Variants in PRPSAP1 observed in about 807,000 individuals in gnomAD.
PRPSAP1 encodes the protein phosphoribosyl pyrophosphate synthetase associated protein 1.
Under a neutral mutation model 39.4 loss-of-function variants are expected in PRPSAP1, and 31 were observed. That is an observed-to-expected ratio of 0.79 (90% CI 0.59 to 1.06). The LOEUF is 1.06. Ranked by LOEUF, PRPSAP1 falls within the 50% of genes least tolerant of loss-of-function variation. The probability of loss-of-function intolerance (pLI) is 0.00; values close to 1 mark genes in which losing one functional copy is unlikely to be tolerated. For missense variants in PRPSAP1, 430 were observed against 511.6 expected, an observed-to-expected ratio of 0.84 and a Z score of 1.54; for synonymous variants, 212 against 192.6, an observed-to-expected ratio of 1.10 and a Z score of -0.83.
chr17:76,352,662 A>G (rs967884146), intron 1 of PRPSAP1, among the ~76,000 whole-genome samples: 16 of 151,120 alleles, frequency 1.1e-4, no homozygotes, highest in East Asian at 3.9e-4. Flanking sequence ...AAAAAAAAAA[A>G]AAAAAGAAAA....
chr17:76,329,037 C>A, intron 6 of PRPSAP1, 175 bp from the exon 7 acceptor site: 1 of 709,334 alleles, frequency 1.4e-6, no homozygotes, highest in Non-Finnish European at 2.2e-6. Flanking sequence ...TCAAAGGGCA[C>A]GTGAGTTAGG....
At position 76,353,567 on chromosome 17, in the gene PRPSAP1, G is replaced by A. The variant is rs770831023; in HGVS notation, c.137C>T (p.Ala46Val). 2 of 1,557,590 alleles carry A rather than the reference G, an allele frequency of 1.3e-6. No homozygotes were observed. The highest frequency in any genetic ancestry group is 1.2e-5 in the South Asian group (1 of 85,038). The change falls in exon 1 of 10, where the codon GCC becomes GTC. Residue 46 changes from alanine to valine, a missense_variant. Coordinates refer to ENST00000446526, the MANE Select transcript of PRPSAP1 (RefSeq NM_002766.3). ...GCGCTTGGCCAGCTCCGTGCAGGCGGCCGTGGAGTTGGCCGAGAAGACTCG... is the reference window on the plus strand; with the variant it reads ...GCGCTTGGCCAGCTCCGTGCAGGCGACCGTGGAGTTGGCCGAGAAGACTCG... ...GYRVFSANST[A>V]ACTELAKRIT...
At position 76,344,849 on chromosome 17, in the gene PRPSAP1, T is replaced by C. The variant is rs538708630; in HGVS notation, c.224-112A>G. ...GCGCGGTGGCACATGCCTGTAATCCTAGCACTTTAGGAGGGCTGAGGAAAG... is the reference window on the plus strand; with the variant it reads ...GCGCGGTGGCACATGCCTGTAATCCCAGCACTTTAGGAGGGCTGAGGAAAG... On this transcript the variant is annotated intron_variant, in intron 2 of 9. Coordinates refer to ENST00000446526, the MANE Select transcript of PRPSAP1 (RefSeq NM_002766.3). The C allele has an allele frequency of 1.1e-5, 8 of 700,144 alleles. No individual in the cohort carries two copies. In the South Asian group the frequency reaches 1.5e-4, roughly 13 times the overall value. 43.4% of individuals were successfully genotyped at this position (700,144 alleles called of 1,614,324 possible). A position where few individuals can be genotyped will look rare whatever the true frequency, so the allele number is the denominator to read the frequency against.
At chr17:76,339,992 A>G (rs1331988875) in intron 3 of PRPSAP1, among the ~76,000 whole-genome samples, 4 of 151,392 alleles carry the variant, frequency 2.6e-5, no homozygotes, top group Admixed American at 6.6e-5. Context: ...TTAGCCATGC[A>G]TGGTGGCATG....
At chr17:76,348,638 C>T in intron 1 of PRPSAP1, 57 bp from the exon 2 acceptor site, 1 of 1,343,518 alleles carries the variant, frequency 7.4e-7, no homozygotes, top group Non-Finnish European at 1.0e-6. Flanking sequence ...TAAAAAAATT[C>T]CAGTTCATAT....
intron 7 of PRPSAP1, among the ~76,000 whole-genome samples, chr17:76,327,843 C>T (rs1237163288): frequency 6.6e-6 from 1 of 152,102 alleles, no homozygotes; most frequent in Non-Finnish European, 1.5e-5. Context: ...CGTCCATACA[C>T]AGTCTACAAA....
chr17:76,346,375 T>C (rs1331838013), intron 2 of PRPSAP1, among the ~76,000 whole-genome samples: 1 of 152,160 alleles, frequency 6.6e-6, no homozygotes, highest in African/African-American at 2.4e-5. Flanking sequence ...TTGACACACA[T>C]GGCCACCTCA....
chr17:76,313,284 C>T (rs1428978009), intron 8 of PRPSAP1: 3 of 346,812 alleles, frequency 8.7e-6, no homozygotes, highest in African/African-American at 6.3e-5. Flanking sequence ...ATTTTCCTGT[C>T]TCACGTTTCT....
chr17:76,331,606 CTT>C (rs899204372), intron 4 of PRPSAP1, among the ~76,000 whole-genome samples: 1 of 152,138 alleles, frequency 6.6e-6, no homozygotes, highest in African/African-American at 2.4e-5. Flanking sequence ...ACTTGAGTAT[CTT>C]TGGGTTTTTG....
Position 76,352,276 on chromosome 17 carries a change from A to G in PRPSAP1, c.170+1258T>C, listed in dbSNP as rs548873253. Among the ~76,000 whole-genome samples the G allele has an allele frequency of 2.6e-5, 4 of 152,330 alleles. No homozygotes were observed. The East Asian group carries it at 7.7e-4, about 29-fold the overall frequency. On this transcript the variant is annotated intron_variant, in intron 1 of 9. Transcript: ENST00000446526. ...CATTTTATGTCTTAGATTTCTAACA[A>G]GTGTATGTAGAAAGGGCATATAAGG...
intron 1 of PRPSAP1, 127 bp from the exon 2 acceptor site, chr17:76,348,708 C>G (rs1222737941): frequency 1.4e-6 from 1 of 703,130 alleles, no homozygotes; most frequent in Non-Finnish European, 2.2e-6. Flanking sequence ...AAAAATAATT[C>G]AGAAAATCTA....
At chr17:76,347,061 G>T (rs2071510766) in intron 2 of PRPSAP1, among the ~76,000 whole-genome samples, 1 of 151,946 alleles carries the variant, frequency 6.6e-6, no homozygotes, top group Non-Finnish European at 1.5e-5. Flanking sequence ...GAAGGAGAAA[G>T]AACAATGGGG....
At chr17:76,351,396 T>C (rs1009218901) in intron 1 of PRPSAP1, among the ~76,000 whole-genome samples, 6 of 152,144 alleles carry the variant, frequency 3.9e-5, no homozygotes, top group Non-Finnish European at 5.9e-5. Context: ...GGGCCTGTAG[T>C]CCCAGCTACT....
chr17:76,326,113 T>A (rs2071254324), intron 7 of PRPSAP1, among the ~76,000 whole-genome samples: 1 of 152,186 alleles, frequency 6.6e-6, no homozygotes, highest in Non-Finnish European at 1.5e-5. Context: ...ATTTAAGGTA[T>A]TCCTGTGACG....
At position 76,313,103 on chromosome 17, in the gene PRPSAP1, A is replaced by C. The variant is rs1004680355; in HGVS notation, c.853-87T>G. 5.4e-5 allele frequency: 78 copies of C among 1,436,942 alleles called. No individual in the cohort carries two copies. In the African/African-American group the frequency reaches 8.9e-4, roughly 16 times the overall value. The allele number at this position is 1,436,942 out of a possible 1,614,324, so 89.0% of individuals were successfully genotyped here. On this transcript the variant is annotated intron_variant, in intron 8 of 9. Coordinates refer to ENST00000446526, the MANE Select transcript of PRPSAP1 (RefSeq NM_002766.3). ...CACACACCACTCTACTCTCTTCTGC[A>C]CTCAGTTTCAGAGGATTTCTGATGG... is the stretch of plus-strand genomic sequence containing the variant.
chr17:76,338,466 G>T (rs772289501), intron 3 of PRPSAP1, among the ~76,000 whole-genome samples: 4 of 152,164 alleles, frequency 2.6e-5, no homozygotes, highest in Admixed American at 6.5e-5. Context: ...ATTCTGGGAG[G>T]CTGAGGCAGG....
chr17:76,341,696 T>C (rs1484401732), intron 3 of PRPSAP1, among the ~76,000 whole-genome samples: 2 of 152,206 alleles, frequency 1.3e-5, no homozygotes, highest in Admixed American at 6.5e-5. Flanking sequence ...TCCCAGCACT[T>C]TGGGAGGCCG....
Position 76,309,497 on chromosome 17 carries a change from C to G in PRPSAP1, c.*2045G>C, listed in dbSNP as rs1477574052. 6.6e-6 allele frequency: 1 copy of G among 152,126 alleles called. No individual in the cohort carries two copies. The highest frequency in any genetic ancestry group is 1.5e-5 in the Non-Finnish European group (1 of 68,026). 9.4% of individuals were successfully genotyped at this position (152,126 alleles called of 1,614,324 possible). On this transcript the variant is annotated 3_prime_UTR_variant, in exon 10 of 10. Transcript: ENST00000446526. Reference sequence around the variant, plus strand: ...CATGACTTCCCCATACAAGATTCTTCCCAAAAACGTATAAATAAAACTTCC... The same window carrying G: ...CATGACTTCCCCATACAAGATTCTTGCCAAAAACGTATAAATAAAACTTCC...
intron 2 of PRPSAP1, among the ~76,000 whole-genome samples, chr17:76,347,400 T>A: frequency 6.8e-6 from 1 of 147,630 alleles, no homozygotes; most frequent in East Asian, 2.0e-4. Context: ...GGCAAGAGGA[T>A]TGCTTGAACC....
Sources: allele counts gnomAD v4.1 joint callset (sites outside exome capture counted in the v4.1 genomes callset), GRCh38; gene constraint gnomAD v4.1.1; transcripts MANE v1.5; gene names NCBI Gene and HGNC (gene_info 2026-07-23, HGNC 2026-07-21).